Variants in PCDHGB7 observed in about 807,000 individuals in gnomAD.
PCDHGB7 encodes protocadherin gamma-B7.
Under a neutral mutation model 61.4 loss-of-function variants are expected in PCDHGB7, and 37 were observed. The observed-to-expected ratio is 0.60, with a 90% confidence interval of 0.46 to 0.79. The LOEUF (loss-of-function observed/expected upper bound fraction) is 0.79. PCDHGB7 is among the 30% of genes least tolerant of loss of function. The probability of loss-of-function intolerance (pLI) is 0.00; values close to 1 mark genes in which losing one functional copy is unlikely to be tolerated. For missense variants in PCDHGB7, 1,166 were observed against 1,202.5 expected (o/e 0.97, Z 0.45); for synonymous variants, 464 against 503.5 (o/e 0.92, Z 1.05).
chr5:141,500,188 A>T (rs182086759), intron 2 of PCDHGB7, among the ~76,000 whole-genome samples: 173 of 98,190 alleles, frequency 1.8e-3, no homozygotes, highest in African/African-American at 4.0e-3. Flanking sequence ...TTTTATTTTT[A>T]TTTATTTATT....
intron 1 of PCDHGB7, among the ~76,000 whole-genome samples, chr5:141,447,276 A>G (rs2098532917): frequency 6.6e-6 from 1 of 151,994 alleles, no homozygotes; most frequent in South Asian, 2.1e-4. Flanking sequence ...AGTAGCTGGG[A>G]CTACAGGCAC....
chr5:141,423,265 G>A (rs973635802), intron 1 of PCDHGB7: 15 of 1,613,548 alleles, frequency 9.3e-6, no homozygotes, highest in African/African-American at 1.3e-5. Context: ...CGGCAGCCTC[G>A]AGTCTCTGGC....
intron 2 of PCDHGB7, among the ~76,000 whole-genome samples, chr5:141,500,900 C>T (rs1309164700): frequency 4.0e-5 from 6 of 150,642 alleles, no homozygotes; most frequent in South Asian, 2.1e-4. Flanking sequence ...GAGACAGTCT[C>T]GCTCTGTCTC....
intron 1 of PCDHGB7, chr5:141,441,516 C>T (rs1034274864): frequency 4.0e-5 from 7 of 173,082 alleles, no homozygotes; most frequent in Non-Finnish European, 8.7e-5. Flanking sequence ...ACGTCGTCCA[C>T]GTGGCCAAGA....
At chr5:141,423,882 C>T in intron 1 of PCDHGB7, 3 of 1,282,372 alleles carry the variant, frequency 2.3e-6, no homozygotes, top group Non-Finnish European at 3.0e-6. Context: ...TCAATCTTGG[C>T]ATATTTTCTT....
At chr5:141,473,189 A>G (rs1049891105) in intron 1 of PCDHGB7, among the ~76,000 whole-genome samples, 2 of 152,198 alleles carry the variant, frequency 1.3e-5, no homozygotes, top group Admixed American at 6.5e-5. Flanking sequence ...GAAGGAGTAA[A>G]TGTATCTTCT....
intron 1 of PCDHGB7, among the ~76,000 whole-genome samples, chr5:141,481,095 C>T (rs1456056389): frequency 1.3e-5 from 2 of 152,120 alleles, no homozygotes; most frequent in African/African-American, 2.4e-5. Context: ...AAAAGCAGTA[C>T]TCTGGAACCT....
intron 1 of PCDHGB7, among the ~76,000 whole-genome samples, chr5:141,444,225 G>A (rs1307884592): frequency 8.0e-6 from 1 of 125,604 alleles, no homozygotes; most frequent in African/African-American, 3.1e-5. Context: ...AGGCTGGAGT[G>A]CAATGGCATG....
At chr5:141,454,796 ATTTTTTTTTTTT>A (rs61612330) in intron 1 of PCDHGB7, among the ~76,000 whole-genome samples, 76 of 77,462 alleles carry the variant, frequency 9.8e-4, no homozygotes, top group African/African-American at 3.9e-3. Flanking sequence ...CATGGTTCTA[ATTTTTTTTTTTT>A]TTTTTTTTTT....
chr5:141,493,937 A>G lies in PCDHGB7; in HGVS notation c.2416-870A>G, dbSNP rs931274307. Among the ~76,000 whole-genome samples the G allele has an allele frequency of 6.6e-6, 1 of 152,212 alleles. No individual in the cohort carries two copies. The highest frequency in any genetic ancestry group is 1.5e-5 in the Non-Finnish European group (1 of 68,022). ...GGATAACACACCCCCTGGAAAGACCAGAAGGGACTCAGGAATGAAGTGGCT... is the reference window on the plus strand; with the variant it reads ...GGATAACACACCCCCTGGAAAGACCGGAAGGGACTCAGGAATGAAGTGGCT... On this transcript the variant is annotated intron_variant, in intron 1 of 3. Coordinates refer to ENST00000398594, the MANE Select transcript of PCDHGB7 (RefSeq NM_018927.4). This position sits in a 1 kb window ranked among gnomAD's most constrained non-coding sequence, Gnocchi z 4.3.
chr5:141,507,816 TG>T (rs1478957063), intron 3 of PCDHGB7, among the ~76,000 whole-genome samples: 1 of 152,130 alleles, frequency 6.6e-6, no homozygotes, highest in African/African-American at 2.4e-5. Flanking sequence ...GAACGGACCC[TG>T]GGGGTGGAGG....
At chr5:141,474,426 C>T (rs2099349464) in intron 1 of PCDHGB7, among the ~76,000 whole-genome samples, 1 of 152,198 alleles carries the variant, frequency 6.6e-6, no homozygotes, top group Non-Finnish European at 1.5e-5. Context: ...ACCATTGGTC[C>T]TCACACTTTG....
chr5:141,469,821 G>GTCAC (rs2099212195), intron 1 of PCDHGB7, among the ~76,000 whole-genome samples: 1 of 152,028 alleles, frequency 6.6e-6, no homozygotes, highest in African/African-American at 2.4e-5. Flanking sequence ...TAGAATGGAG[G>GTCAC]TCACATAAAA....
At chr5:141,423,826 A>G (rs1324911075) in intron 1 of PCDHGB7, 21 of 1,275,178 alleles carry the variant, frequency 1.6e-5, no homozygotes, top group Middle Eastern at 2.2e-4. Flanking sequence ...TTTGCCTTTC[A>G]TGAGATTACG....
chr5:141,430,613 A>T, intron 1 of PCDHGB7: 1 of 679,628 alleles, frequency 1.5e-6, no homozygotes, highest in Admixed American at 3.0e-5. Context: ...CACAAAGCAG[A>T]TAGCTAGGAA....
intron 3 of PCDHGB7, among the ~76,000 whole-genome samples, chr5:141,507,772 A>C (rs2099863177): frequency 6.6e-6 from 1 of 152,332 alleles, no homozygotes; most frequent in South Asian, 2.1e-4. Flanking sequence ...TGGCCCACAC[A>C]GGGCCTGACC....
chr5:141,450,835 T>TA lies in PCDHGB7; in HGVS notation c.2415+30561_2415+30562insA, dbSNP rs1438371595. ...ATTTAATATTATTATTATTATTTTT[T>TA]TTTTTTTGAGATGGGGTCTTGCTCT... is the stretch of plus-strand genomic sequence containing the variant. On this transcript the variant is annotated intron_variant, in intron 1 of 3. Coordinates refer to ENST00000398594, the MANE Select transcript of PCDHGB7 (RefSeq NM_018927.4). 4.0e-3 allele frequency among the ~76,000 whole-genome samples: 570 copies of TA among 142,160 alleles called. 3 individuals are homozygous for TA. The highest frequency in any genetic ancestry group is 0.015 in the Middle Eastern group (4 of 270). The allele number at this position is 142,160 out of a possible 152,430, so 93.3% of individuals were successfully genotyped here.
rs556415227 is a variant in PCDHGB7, at chr5:141,476,903, G to A, written c.2416-17904G>A. ...GGAGGATGCACCCTCCGGCACGCGC[G>A]TGGTACAAGTCCTTGCAACGGATCT... On this transcript the variant is annotated intron_variant, in intron 1 of 3. Transcript: ENST00000398594. This position sits in a 1 kb window ranked among gnomAD's most constrained non-coding sequence, Gnocchi z 7.6. The A allele has an allele frequency of 1.4e-5, 22 of 1,614,018 alleles. No homozygotes were observed. In the African/African-American group the frequency reaches 1.7e-4, roughly 13 times the overall value.
chr5:141,420,287 A>C lies in PCDHGB7; in HGVS notation c.2415+13A>C. 1 of 1,498,884 alleles carries C rather than the reference A, an allele frequency of 6.7e-7. No homozygotes were observed. Among genetic ancestry groups the C allele is most frequent in the African/African-American group, 1.4e-5 (1 of 71,502 alleles). 92.8% of individuals were successfully genotyped at this position (1,498,884 alleles called of 1,614,324 possible). A position where few individuals can be genotyped will look rare whatever the true frequency, so the allele number is the denominator to read the frequency against. On this transcript the variant is annotated intron_variant, in intron 1 of 3. Coordinates refer to ENST00000398594, the MANE Select transcript of PCDHGB7 (RefSeq NM_018927.4). Reference sequence around the variant, plus strand: ...GATTCTTAAACAGGTAAGTATTTAAAAATGTATTTAATCCTTTTTATATTA... The same window carrying C: ...GATTCTTAAACAGGTAAGTATTTAACAATGTATTTAATCCTTTTTATATTA...
Sources: allele counts gnomAD v4.1 joint callset (sites outside exome capture counted in the v4.1 genomes callset), GRCh38; gene constraint gnomAD v4.1.1; non-coding constraint Gnocchi (gnomAD v3.1); transcripts MANE v1.5; gene names NCBI Gene and HGNC (gene_info 2026-07-23, HGNC 2026-07-21).